Variants in RPTOR observed in about 807,000 individuals in gnomAD.
The protein encoded by RPTOR is regulatory associated protein of MTOR complex 1.
A neutral mutation model predicts 169.9 loss-of-function variants in RPTOR; 21 were observed. The observed-to-expected ratio is 0.12, with a 90% CI of 0.09 to 0.18. The LOEUF (loss-of-function observed/expected upper bound fraction) is 0.18. Among genes scored for constraint, RPTOR ranks in the 10% least tolerant of loss-of-function variants. The pLI is 1.00. For missense variants in RPTOR, 1,133 were observed against 1,855.9 expected (o/e 0.61, Z 7.16); for synonymous variants, 732 against 753.2 (o/e 0.97, Z 0.46).
chr17:80,862,119 G>T (rs181093536), intron 13 of RPTOR, among the ~76,000 whole-genome samples: 2 of 152,138 alleles, frequency 1.3e-5, no homozygotes, highest in South Asian at 4.1e-4. Context: ...GGGGTCATCT[G>T]CTCAGTACTG....
At chr17:80,731,173 G>C (rs968184206) in intron 5 of RPTOR, among the ~76,000 whole-genome samples, 1 of 152,100 alleles carries the variant, frequency 6.6e-6, no homozygotes, top group Non-Finnish European at 1.5e-5. Flanking sequence ...CACTGAGCCC[G>C]GCCCAGTACA....
intron 1 of RPTOR, among the ~76,000 whole-genome samples, chr17:80,556,539 T>C (rs1245063083): frequency 6.6e-6 from 1 of 151,806 alleles, no homozygotes; most frequent in Non-Finnish European, 1.5e-5. Context: ...AAAAGAAACC[T>C]TGGGAGCCAC....
intron 3 of RPTOR, among the ~76,000 whole-genome samples, chr17:80,680,399 G>T (rs1406164823): frequency 1.3e-5 from 2 of 152,198 alleles, no homozygotes; most frequent in African/African-American, 4.8e-5. Context: ...ACTTTGGGAG[G>T]CCCAGGTAGG....
At chr17:80,893,251 A>C (rs1311321141) in intron 19 of RPTOR, among the ~76,000 whole-genome samples, 1 of 147,872 alleles carries the variant, frequency 6.8e-6, no homozygotes, top group Admixed American at 6.7e-5. Flanking sequence ...CGTGTGTGCC[A>C]GGGTGTGTGC....
chr17:80,896,752 G>A (rs1040594487), intron 20 of RPTOR, among the ~76,000 whole-genome samples: 6 of 152,200 alleles, frequency 3.9e-5, no homozygotes, highest in Non-Finnish European at 2.9e-5. Context: ...TTTGAATGGC[G>A]CTGAATTGGT....
chr17:80,822,282 G>C lies in RPTOR; in HGVS notation c.972G>C (p.Ala324=). The C allele has an allele frequency of 6.2e-7, 1 of 1,614,158 alleles. No individual in the cohort carries two copies. Among genetic ancestry groups the C allele is most frequent in the Non-Finnish European group, 8.5e-7 (1 of 1,180,004 alleles). ...WIFTAITDTI[A]WNVLPRDLFQ... ...TCACAGCCATCACAGACACCATCGCGTGGAACGTGCTCCCCCGGGGTGAGG... is the reference window on the plus strand; with the variant it reads ...TCACAGCCATCACAGACACCATCGCCTGGAACGTGCTCCCCCGGGGTGAGG... Residue 324 remains alanine, a synonymous_variant, in exon 8 of 34, where the codon GCG becomes GCC. Coordinates refer to ENST00000306801, the MANE Select transcript of RPTOR (RefSeq NM_020761.3).
intron 1 of RPTOR, among the ~76,000 whole-genome samples, chr17:80,574,831 T>A (rs1375716536): frequency 1.3e-5 from 2 of 148,208 alleles, no homozygotes; most frequent in Non-Finnish European, 3.0e-5. Flanking sequence ...TATTTAATTT[T>A]TTTTTTTTTT....
intron 1 of RPTOR, among the ~76,000 whole-genome samples, chr17:80,596,237 A>G (rs1218668563): frequency 6.6e-6 from 1 of 152,252 alleles, no homozygotes; most frequent in East Asian, 1.9e-4. Flanking sequence ...ATTGGAACCA[A>G]TAAGTAAAGA....
At chr17:80,940,636 T>G (rs752970471) in intron 25 of RPTOR, 35 bp downstream of exon 25, 1 of 1,549,824 alleles carries the variant, frequency 6.5e-7, no homozygotes, top group Non-Finnish European at 8.8e-7. Context: ...AGGGGCTCAT[T>G]CCGGGGGTGG....
At chr17:80,905,739 C>A (rs1410914890) in intron 20 of RPTOR, among the ~76,000 whole-genome samples, 3 of 152,222 alleles carry the variant, frequency 2.0e-5, no homozygotes, top group African/African-American at 7.2e-5. Flanking sequence ...CGTCTGTGGC[C>A]CCCACATTGT....
intron 6 of RPTOR, among the ~76,000 whole-genome samples, chr17:80,784,973 G>A (rs912391460): frequency 6.6e-5 from 10 of 152,064 alleles, no homozygotes; most frequent in Middle Eastern, 3.2e-3. Context: ...TGATCCACCC[G>A]CCTTGGCCTC....
intron 2 of RPTOR, among the ~76,000 whole-genome samples, chr17:80,626,694 C>T (rs774500560): frequency 8.7e-5 from 13 of 149,672 alleles, no homozygotes; most frequent in Admixed American, 6.7e-4. Context: ...GAATTTGAAC[C>T]TATGCAGTTC....
chr17:80,944,223 C>T (rs192757933), intron 25 of RPTOR, among the ~76,000 whole-genome samples: 45 of 152,330 alleles, frequency 3.0e-4, no homozygotes, highest in African/African-American at 1.0e-3. Context: ...ATCCCTCAGT[C>T]AAGGAAGTTC....
At chr17:80,671,592 C>T (rs555370294) in intron 3 of RPTOR, among the ~76,000 whole-genome samples, 92 of 152,174 alleles carry the variant, frequency 6.0e-4, no homozygotes, top group Non-Finnish European at 1.2e-3. Flanking sequence ...ACTCATATTA[C>T]AAGGGGGATA....
At chr17:80,792,016 C>T (rs1173287756) in intron 7 of RPTOR, among the ~76,000 whole-genome samples, 3 of 152,118 alleles carry the variant, frequency 2.0e-5, no homozygotes, top group Non-Finnish European at 4.4e-5. Flanking sequence ...GAGTCAATGG[C>T]ACTTGCCTCC....
At chr17:80,917,952 C>T (rs1031498410) in intron 21 of RPTOR, among the ~76,000 whole-genome samples, 6 of 152,184 alleles carry the variant, frequency 3.9e-5, no homozygotes, top group Non-Finnish European at 7.4e-5. Flanking sequence ...ACACCCTCTG[C>T]ATCCTCAGCA....
chr17:80,933,858 C>T lies in RPTOR; in HGVS notation c.2920-6638C>T, dbSNP rs113783674. Among the ~76,000 whole-genome samples, 1,057 of 152,308 alleles carry T rather than the reference C, an allele frequency of 6.9e-3. 8 individuals carry two copies. Among genetic ancestry groups the T allele is most frequent in the African/African-American group, 0.024 (1,003 of 41,552 alleles). On this transcript the variant is annotated intron_variant, in intron 24 of 33. Coordinates refer to ENST00000306801, the MANE Select transcript of RPTOR (RefSeq NM_020761.3). The stretch of plus-strand genomic sequence containing the variant: ...ACAATTTAGGCGAGATAGACAAATT[C>T]CTTGGAAGAGATTACTACCCAGCGT...
intron 24 of RPTOR, among the ~76,000 whole-genome samples, chr17:80,929,350 A>T (rs146166638): frequency 3.7e-4 from 56 of 152,382 alleles, no homozygotes; most frequent in African/African-American, 1.3e-3. Flanking sequence ...GACTTCTAGA[A>T]GGTGGAGTTG....
intron 3 of RPTOR, among the ~76,000 whole-genome samples, chr17:80,675,657 C>T (rs370047284): frequency 6.6e-6 from 1 of 152,210 alleles, no homozygotes; most frequent in Non-Finnish European, 1.5e-5. Flanking sequence ...CTCAGGCCCG[C>T]GGAACCCGGC....
Sources: allele counts gnomAD v4.1 joint callset (sites outside exome capture counted in the v4.1 genomes callset), GRCh38; gene constraint gnomAD v4.1.1; transcripts MANE v1.5; gene names NCBI Gene and HGNC (gene_info 2026-07-23, HGNC 2026-07-21).